RAB11FIP3: variants seen among roughly 807,000 people sequenced by gnomAD.
The protein encoded by RAB11FIP3 is RAB11 family interacting protein 3.
In RAB11FIP3, 17 loss-of-function variants were observed where a neutral mutation model predicts 77.8. That is an observed-to-expected ratio of 0.22 (90% CI 0.15 to 0.33). RAB11FIP3 has a LOEUF of 0.33. RAB11FIP3 is among the 10% of genes least tolerant of loss of function. The pLI is 1.00. For synonymous variants in RAB11FIP3, 437 were observed against 448.2 expected, an observed-to-expected ratio of 0.98 and a Z score of 0.31; for missense variants, 1,005 against 1,011.2, an observed-to-expected ratio of 0.99 and a Z score of 0.08.
intron 2 of RAB11FIP3, among the ~76,000 whole-genome samples, chr16:468,817 A>C (rs567237920): frequency 6.0e-4 from 91 of 152,334 alleles, no homozygotes; most frequent in African/African-American, 2.1e-3. Context: ...TTTTATAAGG[A>C]AAACTAATAT....
chr16:442,789 G>A lies in RAB11FIP3; in HGVS notation c.714+16069G>A, dbSNP rs185419467. ...AAGAGAGCAGGTCTTTCTTGTTGGC[G>A]TAACTCTCCTGAGGGTCACAACAGG... On this transcript the variant is annotated intron_variant, in intron 1 of 13. Coordinates refer to ENST00000262305, the MANE Select transcript of RAB11FIP3 (RefSeq NM_014700.4). Among the ~76,000 whole-genome samples the A allele has an allele frequency of 1.3e-4, 20 of 152,250 alleles. No individual in the cohort carries two copies. In the East Asian group the frequency reaches 1.9e-3, roughly 15 times the overall value.
rs115654773 is a variant in RAB11FIP3, at chr16:441,355, C to G, written c.714+14635C>G. Among the ~76,000 whole-genome samples the G allele has an allele frequency of 6.1e-3, 923 of 152,268 alleles. 10 individuals carry two copies. Among genetic ancestry groups the G allele is most frequent in the African/African-American group, 0.021 (874 of 41,558 alleles). ...CGTGCGTATCCACGATTAAACAAAC[C>G]CATGCTCTAGGAGTACACAGCAGGG... On this transcript the variant is annotated intron_variant, in intron 1 of 13. Transcript: ENST00000262305.
chr16:519,940 A>T (rs200561218), intron 11 of RAB11FIP3, 49 bp downstream of exon 11: 1 of 1,534,450 alleles, frequency 6.5e-7, no homozygotes, highest in East Asian at 2.4e-5. Flanking sequence ...AGCCTGCCCC[A>T]CGGGGAGCCT....
rs1197425081 is a variant in RAB11FIP3 at position 496,829 on chromosome 16, C to G, written c.1271C>G (p.Thr424Arg). 1.3e-6 allele frequency: 2 copies of G among 1,596,364 alleles called. No individual in the cohort carries two copies. Among genetic ancestry groups the G allele is most frequent in the Admixed American group, 3.3e-5 (2 of 59,954 alleles). The stretch of plus-strand genomic sequence containing the variant: ...TTATTTTGTTTTCTGCACAGTCCGA[C>G]AAAGCGGCTCTCCAGCAAGAAGGTG... ...SDPAFLTPSP[T>R]KRLSSKKVAR... The change falls in exon 6 of 14, where the codon ACA becomes AGA. Residue 424 changes from threonine to arginine, a missense_variant. Thr to Arg is a moderately conservative substitution (Grantham distance 71). Coordinates refer to ENST00000262305, the MANE Select transcript of RAB11FIP3 (RefSeq NM_014700.4).
chr16:510,554 G>A (rs1172582023), intron 8 of RAB11FIP3, 106 bp from the exon 9 acceptor site: 9 of 1,327,212 alleles, frequency 6.8e-6, no homozygotes, highest in African/African-American at 4.5e-5. Context: ...CCCTACTCCC[G>A]AGTGGAGGCA....
intron 3 of RAB11FIP3, among the ~76,000 whole-genome samples, chr16:478,531 GGGCATCTT>G (rs1431624704): frequency 1.3e-5 from 2 of 152,108 alleles, no homozygotes; most frequent in African/African-American, 4.8e-5. Flanking sequence ...AGAGTGCAAA[GGGCATCTT>G]TTTCTGCTGG....
rs138446822 is a variant in RAB11FIP3, at chr16:508,347, G to A, written c.1500-2313G>A. Among the ~76,000 whole-genome samples the A allele has an allele frequency of 1.7e-3, 264 of 152,252 alleles. 1 individual carries two copies. The highest frequency in any genetic ancestry group is 5.9e-3 in the African/African-American group (247 of 41,542). On this transcript the variant is annotated intron_variant, in intron 8 of 13. Coordinates refer to ENST00000262305, the MANE Select transcript of RAB11FIP3 (RefSeq NM_014700.4). ...TATTATTTGCCGTGCTGTGCACCTGGTTTTCAGCCTTTATTTCGTTTTGTT... is the reference window on the plus strand; with the variant it reads ...TATTATTTGCCGTGCTGTGCACCTGATTTTCAGCCTTTATTTCGTTTTGTT...
intron 4 of RAB11FIP3, among the ~76,000 whole-genome samples, chr16:487,033 A>G (rs1331637896): frequency 6.6e-6 from 1 of 152,066 alleles, no homozygotes; most frequent in African/African-American, 2.4e-5. Flanking sequence ...CCTCCCTGTC[A>G]CTGTGTAGGA....
intron 1 of RAB11FIP3, among the ~76,000 whole-genome samples, chr16:453,804 A>G (rs1161215823): frequency 4.0e-5 from 6 of 151,824 alleles, no homozygotes; most frequent in Non-Finnish European, 7.4e-5. Context: ...CATGTTAGCC[A>G]GGCTGGTCTC....
chr16:472,104 G>T lies in RAB11FIP3; in HGVS notation c.903+715G>T, dbSNP rs1044021933. On this transcript the variant is annotated intron_variant, in intron 3 of 13. Coordinates refer to ENST00000262305, the MANE Select transcript of RAB11FIP3 (RefSeq NM_014700.4). This position sits in a 1 kb window ranked among gnomAD's most constrained non-coding sequence, Gnocchi z 4.1. The stretch of plus-strand genomic sequence containing the variant: ...CTGAGCTGCTGGCCGGTAGGGCCTG[G>T]GCTTCTCATGTCAGTCCTCTGAGCC... Among the ~76,000 whole-genome samples, 1 of 152,192 alleles carries T rather than the reference G, an allele frequency of 6.6e-6. No homozygotes were observed. The highest frequency in any genetic ancestry group is 1.5e-5 in the Non-Finnish European group (1 of 68,024).
intron 4 of RAB11FIP3, among the ~76,000 whole-genome samples, chr16:483,818 C>T (rs2056095725): frequency 6.6e-6 from 1 of 151,750 alleles, no homozygotes; most frequent in Admixed American, 6.6e-5. Flanking sequence ...CTATTGATTC[C>T]AAGTCTTTAG....
chr16:522,024 C>G lies in RAB11FIP3; in HGVS notation c.*1185C>G, dbSNP rs1019141291. The G allele has an allele frequency of 1.3e-5, 2 of 150,560 alleles. No homozygotes were observed. Among genetic ancestry groups the G allele is most frequent in the Non-Finnish European group, 2.9e-5 (2 of 67,896 alleles). The allele number at this position is 150,560 out of a possible 1,614,324, so 9.3% of individuals were successfully genotyped here. On this transcript the variant is annotated 3_prime_UTR_variant, in exon 14 of 14. Transcript: ENST00000262305. The stretch of plus-strand genomic sequence containing the variant: ...CATCACCAAGACTGGCCACCCGCTG[C>G]GTGTGTGTGCGCGCGCGTGTACGTG...
In RAB11FIP3 at chr16:522,296, C is replaced by T. The variant is rs1415846593; in HGVS notation, c.*1457C>T. 1 of 149,972 alleles carries T rather than the reference C, an allele frequency of 6.7e-6. No individual in the cohort carries two copies. Among genetic ancestry groups the T allele is most frequent in the African/African-American group, 2.4e-5 (1 of 40,886 alleles). 9.3% of individuals were successfully genotyped at this position (149,972 alleles called of 1,614,324 possible). On this transcript the variant is annotated 3_prime_UTR_variant, in exon 14 of 14. Transcript: ENST00000262305. Reference sequence around the variant, plus strand: ...TATGTATAATATATAAAGACTGGCACCCTGCCTCTCTGTGCCCAGGCCCAG... The same window carrying T: ...TATGTATAATATATAAAGACTGGCATCCTGCCTCTCTGTGCCCAGGCCCAG...
rs753871055 is a variant in RAB11FIP3, at chr16:471,674, A to C, written c.903+285A>C. On this transcript the variant is annotated intron_variant, in intron 3 of 13. Coordinates refer to ENST00000262305, the MANE Select transcript of RAB11FIP3 (RefSeq NM_014700.4). This position sits in a 1 kb window ranked among gnomAD's most constrained non-coding sequence, Gnocchi z 4.4. Reference sequence around the variant, plus strand: ...CATGACCACCCGCTGCCAGGCTGGCAGGCACAGGCGGAGCAGAGGGCTTGG... The same window carrying C: ...CATGACCACCCGCTGCCAGGCTGGCCGGCACAGGCGGAGCAGAGGGCTTGG... Among the ~76,000 whole-genome samples the C allele has an allele frequency of 1.4e-4, 22 of 152,200 alleles. No homozygotes were observed. Among genetic ancestry groups the C allele is most frequent in the Non-Finnish European group, 2.6e-4 (18 of 68,030 alleles).
intron 5 of RAB11FIP3, among the ~76,000 whole-genome samples, chr16:492,260 G>A (rs1349453771): frequency 6.6e-6 from 1 of 151,870 alleles, no homozygotes; most frequent in African/African-American, 2.4e-5. Context: ...GCCCATTCAG[G>A]TGGAGAGGAT....
intron 1 of RAB11FIP3, among the ~76,000 whole-genome samples, chr16:458,698 T>G (rs2055551971): frequency 6.7e-6 from 1 of 149,156 alleles, no homozygotes; most frequent in Non-Finnish European, 1.5e-5. Context: ...TGCCAGCCTG[T>G]TGCCTCTCCC....
rs971628539 is a variant in RAB11FIP3 at position 507,103 on chromosome 16, C to A, written c.1499+1476C>A. Reference sequence around the variant, plus strand: ...AGCTGGGACTACAGGTGTGCACCACCACACCCAGCTTTTTTTTTTTTTTTT... The same window carrying A: ...AGCTGGGACTACAGGTGTGCACCACAACACCCAGCTTTTTTTTTTTTTTTT... On this transcript the variant is annotated intron_variant, in intron 8 of 13. Coordinates refer to ENST00000262305, the MANE Select transcript of RAB11FIP3 (RefSeq NM_014700.4). This position sits in a 1 kb window ranked among gnomAD's most constrained non-coding sequence, Gnocchi z 4.6. 4.0e-5 allele frequency among the ~76,000 whole-genome samples: 6 copies of A among 151,882 alleles called. No homozygotes were observed. The highest frequency in any genetic ancestry group is 1.2e-4 in the African/African-American group (5 of 41,422).
At chr16:446,855 C>T (rs773811381) in intron 1 of RAB11FIP3, among the ~76,000 whole-genome samples, 4 of 152,108 alleles carry the variant, frequency 2.6e-5, no homozygotes, top group African/African-American at 7.2e-5. Context: ...CACATGCCTC[C>T]GTGCCCAGCT....
intron 2 of RAB11FIP3, among the ~76,000 whole-genome samples, chr16:467,378 G>T (rs2055719491): frequency 6.6e-6 from 1 of 152,220 alleles, no homozygotes; most frequent in South Asian, 2.1e-4. Flanking sequence ...AGAGCTGACT[G>T]CAGAGTGGAG....
Sources: allele counts gnomAD v4.1 joint callset (sites outside exome capture counted in the v4.1 genomes callset), GRCh38; gene constraint gnomAD v4.1.1; non-coding constraint Gnocchi (gnomAD v3.1); transcripts MANE v1.5; gene names NCBI Gene and HGNC (gene_info 2026-07-23, HGNC 2026-07-21).